SLC28A2: variants seen among roughly 807,000 people sequenced by gnomAD.
SLC28A2 encodes the protein solute carrier family 28 member 2.
In SLC28A2, 69 loss-of-function variants were observed where a neutral mutation model predicts 72.9. The observed-to-expected ratio is 0.95, with a 90% confidence interval of 0.78 to 1.16. The LOEUF (loss-of-function observed/expected upper bound fraction) is 1.16. SLC28A2 is among the 50% of genes most tolerant of loss of function. SLC28A2 has a pLI of 0.00. For missense variants in SLC28A2, 745 were observed against 791.1 expected (o/e 0.94, Z 0.70); for synonymous variants, 296 against 294.1 (o/e 1.01, Z -0.07).
intron 3 of SLC28A2, among the ~76,000 whole-genome samples, chr15:45,260,876 G>A (rs1014132711): frequency 5.3e-5 from 8 of 152,198 alleles, no homozygotes; most frequent in African/African-American, 1.4e-4. Flanking sequence ...TCCTTTCTCA[G>A]CTTACCTGTA....
In SLC28A2 at chr15:45,270,295, C is replaced by T; in HGVS notation, c.1648+19C>T. On this transcript the variant is annotated intron_variant, in intron 15 of 17. Transcript: ENST00000347644. Reference sequence around the variant, plus strand: ...GGCTTGAGTGAGTTCATCCATTTTCCCAGCTCCCCAGTAAGACAGCCAGAT... The same window carrying T: ...GGCTTGAGTGAGTTCATCCATTTTCTCAGCTCCCCAGTAAGACAGCCAGAT... The T allele has an allele frequency of 6.5e-7, 1 of 1,547,758 alleles. No homozygotes were observed. Among genetic ancestry groups the T allele is most frequent in the Non-Finnish European group, 8.9e-7 (1 of 1,119,570 alleles).
At chr15:45,267,377 C>A (rs1259059736) in intron 10 of SLC28A2, 78 bp from the exon 11 acceptor site, 29 of 1,532,416 alleles carry the variant, frequency 1.9e-5, no homozygotes, top group African/African-American at 5.4e-5. Context: ...GTGGGTCCAG[C>A]CCCTGGGGCT....
At chr15:45,261,700 C>T (rs1409191534) in intron 3 of SLC28A2, among the ~76,000 whole-genome samples, 1 of 152,166 alleles carries the variant, frequency 6.6e-6, no homozygotes, top group African/African-American at 2.4e-5. Context: ...GCTTAGCAAT[C>T]CTCTGTCCTT....
At chr15:45,254,280 T>G (rs540141114) in intron 3 of SLC28A2, among the ~76,000 whole-genome samples, 18 of 152,340 alleles carry the variant, frequency 1.2e-4, no homozygotes, top group African/African-American at 4.3e-4. Flanking sequence ...GGTCATGAGC[T>G]ACATAATGAT....
intron 13 of SLC28A2, 33 bp from the exon 14 acceptor site, chr15:45,269,301 GTCCT>G (rs1218741056): frequency 6.3e-7 from 1 of 1,575,040 alleles, no homozygotes; most frequent in South Asian, 1.1e-5. Flanking sequence ...TGTTATATTA[GTCCT>G]TCCTTTTCCT....
chr15:45,268,284 C>T lies in SLC28A2; in HGVS notation c.1274C>T (p.Ala425Val). ...ATAGGCCTTGCTACTAATGTAGCAG[C>T]CAACCTGATTGCCTTTTTGGCTGTG... Reference protein sequence around the residue: ...DAIGLATNVAANLIAFLAVLA... With the variant: ...DAIGLATNVAVNLIAFLAVLA... Residue 425 changes from alanine (A) to valine (V), a missense_variant, in exon 13 of 18, where the codon GCC (alanine) becomes GTC (valine). By Grantham distance (64) the Ala-to-Val change is moderately conservative. Transcript: ENST00000347644. 1 of 1,612,586 alleles carries T rather than the reference C, an allele frequency of 6.2e-7. No homozygotes were observed. The highest frequency in any genetic ancestry group is 1.3e-5 in the African/African-American group (1 of 75,034).
chr15:45,270,238 C>T lies in SLC28A2; in HGVS notation c.1610C>T (p.Ala537Val). The T allele has an allele frequency of 3.1e-6, 5 of 1,613,736 alleles. No homozygotes were observed. The highest frequency in any genetic ancestry group is 4.2e-6 in the Non-Finnish European group (5 of 1,179,598). ...ACAACATTTTCACTCTGTGGATTTGCCAATCTTAGTTCCATAGGAATCACA... is the reference window on the plus strand; with the variant it reads ...ACAACATTTTCACTCTGTGGATTTGTCAATCTTAGTTCCATAGGAATCACA... ...IITTFSLCGF[A>V]NLSSIGITLG... Residue 537 changes from alanine (A) to valine (V), a missense_variant, in exon 15 of 18, where the codon GCC becomes GTC. Physicochemically the swap from Ala to Val is moderately conservative, Grantham distance 64. Transcript: ENST00000347644.
chr15:45,254,240 AG>A, intron 3 of SLC28A2, among the ~76,000 whole-genome samples: 1 of 152,016 alleles, frequency 6.6e-6, no homozygotes, highest in East Asian at 1.9e-4. Flanking sequence ...AGCTGAGAAG[AG>A]GACATTGGAT....
chr15:45,252,364 G>A, intron 1 of SLC28A2, 86 bp downstream of exon 1: 1 of 452,050 alleles, frequency 2.2e-6, no homozygotes, highest in Non-Finnish European at 4.4e-6. Context: ...AGGTAGTTTT[G>A]TGCCTAGTCA....
chr15:45,265,427 T>C (rs1447459522), intron 8 of SLC28A2, among the ~76,000 whole-genome samples, 156 bp from the exon 9 acceptor site: 1 of 152,176 alleles, frequency 6.6e-6, no homozygotes, highest in East Asian at 1.9e-4. Context: ...ACAATGGGTT[T>C]AATACATTTT....
Position 45,263,069 on chromosome 15 carries a change from G to A in SLC28A2, c.271G>A (p.Ala91Thr). ...GCTTCTTCTCTTTTTAGCCTATGCTGCCTATCTCCTGGCAGCTTGCATCTT... is the reference window on the plus strand; with the variant it reads ...GCTTCTTCTCTTTTTAGCCTATGCTACCTATCTCCTGGCAGCTTGCATCTT... The part of the protein sequence containing the change: ...LLGLLCLAYA[A>T]YLLAACILNF... Residue 91 changes from alanine to threonine, a missense_variant, in exon 5 of 18, where the codon GCC becomes ACC. Coordinates refer to ENST00000347644, the MANE Select transcript of SLC28A2 (RefSeq NM_004212.4). 1 of 1,613,036 alleles carries A rather than the reference G, an allele frequency of 6.2e-7. No homozygotes were observed. Among genetic ancestry groups the A allele is most frequent in the Non-Finnish European group, 8.5e-7 (1 of 1,179,602 alleles).
rs371490962 is a variant in SLC28A2 at position 45,262,044 on chromosome 15, G to C, written c.200G>C (p.Arg67Thr). Residue 67 changes from arginine (R) to threonine (T), a missense_variant, in exon 4 of 18, where the codon AGA becomes ACA. Arg to Thr is a moderately conservative substitution (Grantham distance 71). Coordinates refer to ENST00000347644, the MANE Select transcript of SLC28A2 (RefSeq NM_004212.4). ...AGTCGGTGGCCTTTCAGCAAAGCAA[G>C]AAGTTTCTGCAAAACACACGCCAGC... ...RRSRWPFSKA[R>T]SFCKTHASLF... The C allele has an allele frequency of 1.5e-5, 24 of 1,613,694 alleles. No homozygotes were observed. The highest frequency in any genetic ancestry group is 5.0e-5 in the Admixed American group (3 of 60,008).
At chr15:45,253,570 C>A in intron 3 of SLC28A2, 50 bp downstream of exon 3, 1 of 1,293,080 alleles carries the variant, frequency 7.7e-7, no homozygotes, top group Non-Finnish European at 1.1e-6. Flanking sequence ...CTAGGGTGGG[C>A]TGCCCCTTCA....
In SLC28A2 at chr15:45,263,185, AAAATTAACAAGATGTCTGAAGCC is replaced by A. The variant is rs750518681; in HGVS notation, c.388_410del (p.Lys130LeufsTer2). ...CGTTTTTGAAAAAGCTCCTGGGCAA[AAAATTAACAAGATGTCTGAAGCC>A]CTTTGAAAACTCCCGCCTGAGGCTT... is the stretch of plus-strand genomic sequence containing the variant. On this transcript the variant is annotated frameshift_variant, in exon 5 of 18. Coordinates refer to ENST00000347644, the MANE Select transcript of SLC28A2 (RefSeq NM_004212.4). LOFTEE classifies it high-confidence loss of function. 2.5e-6 allele frequency: 4 copies of A among 1,614,048 alleles called. No homozygotes were observed. The highest frequency in any genetic ancestry group is 3.4e-6 in the Non-Finnish European group (4 of 1,179,972).
intron 3 of SLC28A2, chr15:45,255,318 A>G (rs1372775889): frequency 2.6e-5 from 4 of 151,734 alleles, no homozygotes; most frequent in Non-Finnish European, 5.9e-5. Context: ...GTTGGTTAAT[A>G]TTTTTGCTCA....
At position 45,253,306 on chromosome 15, in the gene SLC28A2, A is replaced by C. The variant is rs1899862588; in HGVS notation, c.81+10A>C. 2 of 1,608,466 alleles carry C rather than the reference A, an allele frequency of 1.2e-6. No individual in the cohort carries two copies. Among genetic ancestry groups the C allele is most frequent in the Non-Finnish European group, 1.7e-6 (2 of 1,174,884 alleles). ...GGGGCTGGAGCTCATGGTAATCACC[A>C]GTTTAGTTTCTCTCTGCAGAGCTGT... On this transcript the variant is annotated intron_variant, in intron 2 of 17. Transcript: ENST00000347644.
intron 5 of SLC28A2, 125 bp downstream of exon 5, chr15:45,263,369 G>T: frequency 1.1e-6 from 1 of 900,400 alleles, no homozygotes; most frequent in Non-Finnish European, 1.6e-6. Context: ...AAAGCGCAGA[G>T]AAAAATAACA....
rs574949526 is a variant in SLC28A2 at position 45,275,763 on chromosome 15, G to A, written c.*250G>A. ...ATCCTGGCTAACACAGTGAAACCCCGTCTCTACTAAAAATACAAAAAATTA... is the reference window on the plus strand; with the variant it reads ...ATCCTGGCTAACACAGTGAAACCCCATCTCTACTAAAAATACAAAAAATTA... On this transcript the variant is annotated 3_prime_UTR_variant, in exon 18 of 18. Transcript: ENST00000347644. The A allele has an allele frequency of 1.1e-5, 3 of 270,856 alleles. No individual in the cohort carries two copies. In the East Asian group the frequency reaches 2.3e-4, roughly 21 times the overall value. The allele number at this position is 270,856 out of a possible 1,614,324, so 16.8% of individuals were successfully genotyped here.
chr15:45,260,939 G>A (rs1900142961), intron 3 of SLC28A2, among the ~76,000 whole-genome samples: 1 of 152,190 alleles, frequency 6.6e-6, no homozygotes, highest in Admixed American at 6.5e-5. Flanking sequence ...TCCTGCAGAA[G>A]GGACAGGAGG....
Sources: allele counts gnomAD v4.1 joint callset (sites outside exome capture counted in the v4.1 genomes callset), GRCh38; gene constraint gnomAD v4.1.1; transcripts MANE v1.5; gene names NCBI Gene and HGNC (gene_info 2026-07-23, HGNC 2026-07-21).